The following MAN1A2 variants were observed in gnomAD, a reference collection of about 807,000 sequenced individuals.
MAN1A2 encodes mannosyl-oligosaccharide 1,2-alpha-mannosidase IB.
In MAN1A2, 26 loss-of-function variants were observed where a neutral mutation model predicts 75.7. The observed-to-expected ratio is 0.34, with a 90% CI of 0.25 to 0.48. The LOEUF (loss-of-function observed/expected upper bound fraction) is 0.48, where lower values mean the gene tolerates loss of function less well. Ranked by LOEUF, MAN1A2 falls within the 20% of genes least tolerant of loss-of-function variation. The probability of loss-of-function intolerance (pLI) is 0.99; values close to 1 mark genes in which losing one functional copy is unlikely to be tolerated. For synonymous variants in MAN1A2, 247 were observed against 264.6 expected, an observed-to-expected ratio of 0.93 and a Z score of 0.65; for missense variants, 562 against 775.5, an observed-to-expected ratio of 0.72 and a Z score of 3.27.
intron 8 of MAN1A2, among the ~76,000 whole-genome samples, chr1:117,490,153 A>G (rs528858048): frequency 3.9e-5 from 6 of 151,912 alleles, no homozygotes; most frequent in African/African-American, 1.2e-4. Flanking sequence ...ATGCTTAGCT[A>G]TATGCTTTGC....
intron 1 of MAN1A2, among the ~76,000 whole-genome samples, chr1:117,383,235 T>A (rs1051389372): frequency 6.6e-6 from 1 of 150,800 alleles, no homozygotes; most frequent in African/African-American, 2.4e-5. Flanking sequence ...ATAAGTCCTT[T>A]CACTCTATTA....
intron 1 of MAN1A2, among the ~76,000 whole-genome samples, chr1:117,384,514 CA>C (rs1653455464): frequency 6.6e-6 from 1 of 152,004 alleles, no homozygotes; most frequent in African/African-American, 2.4e-5. Context: ...TTTTGTGGCT[CA>C]AAATGTGGTC....
At chr1:117,503,472 C>T (rs572934194) in intron 12 of MAN1A2, among the ~76,000 whole-genome samples, 25 of 151,536 alleles carry the variant, frequency 1.6e-4, no homozygotes, top group Middle Eastern at 3.4e-3. Context: ...TAAAGATACA[C>T]ATAAAAGGAA....
intron 5 of MAN1A2, among the ~76,000 whole-genome samples, chr1:117,439,245 A>G (rs12401357): frequency 0.076 from 11,611 of 152,250 alleles, 494 homozygotes; most frequent in Middle Eastern, 0.15. Flanking sequence ...CATCTTTGAT[A>G]TAGGTATATA....
At chr1:117,480,028 A>G (rs181407764) in intron 8 of MAN1A2, among the ~76,000 whole-genome samples, 93 of 152,022 alleles carry the variant, frequency 6.1e-4, no homozygotes, top group South Asian at 1.9e-3. Context: ...TCTGGCTGGT[A>G]TGAACATCCA....
At chr1:117,503,634 A>C (rs1317425370) in intron 12 of MAN1A2, among the ~76,000 whole-genome samples, 2 of 151,446 alleles carry the variant, frequency 1.3e-5, no homozygotes, top group African/African-American at 4.8e-5. Flanking sequence ...CTCGCTCTTA[A>C]ATTTATTATT....
At position 117,499,892 on chromosome 1, in the gene MAN1A2, T is replaced by C. The variant is rs1244541754; in HGVS notation, c.1677+338T>C. 2.0e-5 allele frequency among the ~76,000 whole-genome samples: 3 copies of C among 151,526 alleles called. No individual in the cohort carries two copies. In the East Asian group the frequency reaches 5.8e-4, roughly 29 times the overall value. On this transcript the variant is annotated intron_variant, in intron 11 of 12. Transcript: ENST00000356554. ...CAGTACCTAGGGAGGAAAAAACTAT[T>C]AGTCTTTTATGAAAGTATAGCTTAT... is the stretch of plus-strand genomic sequence containing the variant.
chr1:117,370,707 G>A (rs967199053), intron 1 of MAN1A2, among the ~76,000 whole-genome samples: 1 of 150,082 alleles, frequency 6.7e-6, no homozygotes, highest in Admixed American at 6.7e-5. Flanking sequence ...ACCTAATTTA[G>A]AAGAAACAAA....
At chr1:117,373,266 T>C (rs948021001) in intron 1 of MAN1A2, among the ~76,000 whole-genome samples, 1 of 152,166 alleles carries the variant, frequency 6.6e-6, no homozygotes, top group South Asian at 2.1e-4. Context: ...ACCTTTTTTT[T>C]CTATCCTGTT....
chr1:117,469,907 G>A (rs1217668851), intron 8 of MAN1A2, among the ~76,000 whole-genome samples: 1 of 152,056 alleles, frequency 6.6e-6, no homozygotes, highest in African/African-American at 2.4e-5. Flanking sequence ...TGAAAACCTA[G>A]CAGTTCCTTA....
chr1:117,383,401 G>A (rs1653419191), intron 1 of MAN1A2, among the ~76,000 whole-genome samples: 1 of 152,044 alleles, frequency 6.6e-6, no homozygotes, highest in Non-Finnish European at 1.5e-5. Context: ...TATTTATAAG[G>A]GACATTAGTC....
chr1:117,462,962 T>G (rs1649865932), intron 7 of MAN1A2, among the ~76,000 whole-genome samples: 1 of 152,104 alleles, frequency 6.6e-6, no homozygotes, highest in Admixed American at 6.6e-5. Context: ...TAAATTGAGA[T>G]GTGAGTAGAG....
At chr1:117,462,194 A>G (rs571214130) in intron 7 of MAN1A2, among the ~76,000 whole-genome samples, 102 of 152,266 alleles carry the variant, frequency 6.7e-4, no homozygotes, top group African/African-American at 2.4e-3. Context: ...ACAATGGGAA[A>G]CAAAAAATAT....
At chr1:117,508,193 CATTT>C (rs1229816051) in intron 12 of MAN1A2, among the ~76,000 whole-genome samples, 2 of 151,608 alleles carry the variant, frequency 1.3e-5, no homozygotes, top group African/African-American at 4.8e-5. Flanking sequence ...TTCTGTTGCA[CATTT>C]ATTTAAAGAT....
intron 5 of MAN1A2, among the ~76,000 whole-genome samples, chr1:117,439,310 T>C (rs1036078080): frequency 1.3e-5 from 2 of 152,174 alleles, no homozygotes; most frequent in Admixed American, 6.5e-5. Context: ...TTGAGGGTTC[T>C]AAACTGTTGA....
At chr1:117,489,029 C>T (rs768304220) in intron 8 of MAN1A2, among the ~76,000 whole-genome samples, 13 of 151,968 alleles carry the variant, frequency 8.6e-5, no homozygotes, top group Non-Finnish European at 1.5e-4. Flanking sequence ...AAATTTGCTC[C>T]TTCTGCCCAC....
Position 117,525,233 on chromosome 1 carries a change from G to A in MAN1A2, c.*2276G>A. ...AAACAAAGAATTTGACAGGGACAATGGAAGGGTCTTCTTCACCACTCCTTA... is the reference window on the plus strand; with the variant it reads ...AAACAAAGAATTTGACAGGGACAATAGAAGGGTCTTCTTCACCACTCCTTA... On this transcript the variant is annotated 3_prime_UTR_variant, in exon 13 of 13. Transcript: ENST00000356554. 2.2e-6 allele frequency: 1 copy of A among 463,322 alleles called. No individual in the cohort carries two copies. The highest frequency in any genetic ancestry group is 1.6e-5 in the South Asian group (1 of 62,570). The allele number at this position is 463,322 out of a possible 1,614,324, so 28.7% of individuals were successfully genotyped here.
chr1:117,384,374 AGTGTG>A (rs1415109593), intron 1 of MAN1A2, among the ~76,000 whole-genome samples: 2 of 152,238 alleles, frequency 1.3e-5, no homozygotes, highest in African/African-American at 4.8e-5. Context: ...GTTGGTTAAG[AGTGTG>A]TTGTTTAATA....
At chr1:117,398,286 T>TTGAA (rs1384173668) in intron 1 of MAN1A2, among the ~76,000 whole-genome samples, 1 of 152,144 alleles carries the variant, frequency 6.6e-6, no homozygotes, top group African/African-American at 2.4e-5. Flanking sequence ...GATCAGTGAC[T>TTGAA]TGAAGGTAAA....
Sources: allele counts gnomAD v4.1 joint callset (sites outside exome capture counted in the v4.1 genomes callset), GRCh38; gene constraint gnomAD v4.1.1; transcripts MANE v1.5; gene names NCBI Gene and HGNC (gene_info 2026-07-23, HGNC 2026-07-21).